PRKAG2: variants seen among roughly 807,000 people sequenced by gnomAD.
The protein encoded by PRKAG2 is 5'-AMP-activated protein kinase subunit gamma-2.
A neutral mutation model predicts 69.6 loss-of-function variants in PRKAG2; 26 were observed. The observed-to-expected ratio is 0.37, with a 90% CI of 0.27 to 0.52. The LOEUF is 0.52. Among genes scored for constraint, PRKAG2 ranks in the 20% least tolerant of loss-of-function variants. The pLI, the probability that PRKAG2 is intolerant of heterozygous loss-of-function variation, is 0.90. For synonymous variants in PRKAG2, 293 were observed against 285.0 expected (o/e 1.03, Z -0.28); for missense variants, 557 against 740.0 (o/e 0.75, Z 2.87).
Position 151,557,028 on chromosome 7 carries a change from C to G in PRKAG2, c.*173G>C. 3 of 1,089,812 alleles carry G rather than the reference C, an allele frequency of 2.8e-6. No individual in the cohort carries two copies. The highest frequency in any genetic ancestry group is 4.0e-6 in the Non-Finnish European group (3 of 746,528). The allele number at this position is 1,089,812 out of a possible 1,614,324, so 67.5% of individuals were successfully genotyped here. A position where few individuals can be genotyped will look rare whatever the true frequency, so the allele number is the denominator to read the frequency against. Reference sequence around the variant, plus strand: ...GTCTTTTAATGCAAGCCTGAATCTTCAAGCACATAAAATCTTTCTTTTTTA... The same window carrying G: ...GTCTTTTAATGCAAGCCTGAATCTTGAAGCACATAAAATCTTTCTTTTTTA... On this transcript the variant is annotated 3_prime_UTR_variant, in exon 16 of 16. Coordinates refer to ENST00000287878, the MANE Select transcript of PRKAG2 (RefSeq NM_016203.4).
chr7:151,723,377 G>A (rs774984087), intron 3 of PRKAG2, among the ~76,000 whole-genome samples: 44 of 152,278 alleles, frequency 2.9e-4, no homozygotes, highest in Middle Eastern at 3.4e-3. Context: ...ACGCATTCGA[G>A]CTAGACTTTT....
intron 6 of PRKAG2, among the ~76,000 whole-genome samples, chr7:151,588,527 T>A (rs1264862716): frequency 1.7e-5 from 2 of 115,848 alleles, no homozygotes; most frequent in African/African-American, 2.9e-5. Context: ...CAAGCCCAGC[T>A]AATTTTCGTA....
chr7:151,760,474 T>C (rs1442274458), intron 3 of PRKAG2, among the ~76,000 whole-genome samples: 1 of 152,152 alleles, frequency 6.6e-6, no homozygotes, highest in South Asian at 2.1e-4. Flanking sequence ...TCTCAGGTGA[T>C]CCGCCCACCT....
rs879002609 is a variant in PRKAG2, at chr7:151,647,856, T to G, written c.685-15718A>C. ...GAGAGCCTGGAGTCAGCGGGGACAT[T>G]GAAGACGTCTTTACAATGAATGTAA... On this transcript the variant is annotated intron_variant, in intron 4 of 15. Coordinates refer to ENST00000287878, the MANE Select transcript of PRKAG2 (RefSeq NM_016203.4). 1.1e-4 allele frequency among the ~76,000 whole-genome samples: 17 copies of G among 152,290 alleles called. No individual in the cohort carries two copies. In the South Asian group the frequency reaches 3.5e-3, roughly 32 times the overall value.
At chr7:151,703,228 C>T (rs1341210648) in intron 3 of PRKAG2, among the ~76,000 whole-genome samples, 4 of 152,214 alleles carry the variant, frequency 2.6e-5, no homozygotes, top group Non-Finnish European at 4.4e-5. Context: ...GCACCTTCTC[C>T]GTCACAGTGA....
At chr7:151,769,734 C>T (rs1010660896) in intron 3 of PRKAG2, among the ~76,000 whole-genome samples, 2 of 152,178 alleles carry the variant, frequency 1.3e-5, no homozygotes, top group Non-Finnish European at 2.9e-5. Context: ...ATGCTGCAGC[C>T]GCATCTGGGG....
intron 5 of PRKAG2, chr7:151,631,852 G>C: frequency 2.0e-6 from 1 of 498,244 alleles, no homozygotes; most frequent in Non-Finnish European, 3.8e-6. Flanking sequence ...CTGGGAGCCT[G>C]GCTCGCGTCC....
chr7:151,770,767 T>C (rs1467575578), intron 3 of PRKAG2, among the ~76,000 whole-genome samples: 2 of 152,188 alleles, frequency 1.3e-5, no homozygotes, highest in African/African-American at 4.8e-5. Context: ...GCCCTGTCTC[T>C]TGGGTTTTAG....
intron 1 of PRKAG2, among the ~76,000 whole-genome samples, chr7:151,827,253 T>C (rs972988042): frequency 6.6e-6 from 1 of 152,252 alleles, no homozygotes; most frequent in Non-Finnish European, 1.5e-5. Flanking sequence ...ATTCATTTAT[T>C]TTTGAGACAG....
intron 3 of PRKAG2, among the ~76,000 whole-genome samples, chr7:151,697,255 C>T (rs1434666522): frequency 6.6e-6 from 1 of 152,096 alleles, no homozygotes; most frequent in Non-Finnish European, 1.5e-5. Context: ...CCAGCTGCAG[C>T]CCACCAGGCC....
At chr7:151,843,856 A>G (rs2079367304) in intron 1 of PRKAG2, among the ~76,000 whole-genome samples, 1 of 152,250 alleles carries the variant, frequency 6.6e-6, no homozygotes, top group African/African-American at 2.4e-5. Context: ...TCTCACATCC[A>G]TGGACATGTC....
intron 15 of PRKAG2, chr7:151,559,308 A>G: frequency 1.0e-6 from 1 of 983,560 alleles, no homozygotes; most frequent in Non-Finnish European, 1.2e-6. Context: ...AGATATTTGG[A>G]TTATTCCCAG....
chr7:151,568,227 G>T (rs1171762956), intron 11 of PRKAG2, among the ~76,000 whole-genome samples: 1 of 152,142 alleles, frequency 6.6e-6, no homozygotes, highest in African/African-American at 2.4e-5. Context: ...GACCAACATG[G>T]TATTCTCTTG....
At chr7:151,573,333 GTTTTTTTTTTTTTTT>G (rs57854174) in intron 8 of PRKAG2, among the ~76,000 whole-genome samples, 2 of 82,836 alleles carry the variant, frequency 2.4e-5, no homozygotes, top group East Asian at 8.8e-4. Flanking sequence ...ATTTTTGTGG[GTTTTTTTTTTTTTTT>G]TTTTTTTTTT....
rs184534237 is a variant in PRKAG2 at position 151,611,697 on chromosome 7, C to T, written c.755-16243G>A. Among the ~76,000 whole-genome samples, 230 of 152,172 alleles carry T rather than the reference C, an allele frequency of 1.5e-3. 1 individual carries two copies. The highest frequency in any genetic ancestry group is 5.3e-3 in the African/African-American group (221 of 41,512). Reference sequence around the variant, plus strand: ...ACAGCTTTCTTAGAAAAGACGTTGGCGCACTTACGTGGGGTGGTCCAGATC... The same window carrying T: ...ACAGCTTTCTTAGAAAAGACGTTGGTGCACTTACGTGGGGTGGTCCAGATC... On this transcript the variant is annotated intron_variant, in intron 5 of 15. Coordinates refer to ENST00000287878, the MANE Select transcript of PRKAG2 (RefSeq NM_016203.4).
chr7:151,612,184 G>A (rs550056612), intron 5 of PRKAG2, among the ~76,000 whole-genome samples: 1 of 152,270 alleles, frequency 6.6e-6, no homozygotes, highest in East Asian at 1.9e-4. Context: ...GGAGAGTTGA[G>A]TAACATGCTC....
At chr7:151,776,832 G>A (rs1308788443) in intron 3 of PRKAG2, among the ~76,000 whole-genome samples, 5 of 152,162 alleles carry the variant, frequency 3.3e-5, no homozygotes, top group African/African-American at 1.2e-4. Context: ...GGGGCACAGG[G>A]GTGTGGAGCT....
intron 3 of PRKAG2, among the ~76,000 whole-genome samples, chr7:151,698,605 C>G (rs1018036531): frequency 3.9e-5 from 6 of 152,158 alleles, no homozygotes; most frequent in East Asian, 1.9e-4. Context: ...CTCAGCTCCC[C>G]CTTTGCCTTC....
Position 151,568,770 on chromosome 7 carries a change from C to T in PRKAG2, c.1179G>A (p.Gly393=). 1 of 1,613,894 alleles carries T rather than the reference C, an allele frequency of 6.2e-7. No homozygotes were observed. The highest frequency in any genetic ancestry group is 1.7e-5 in the Admixed American group (1 of 60,016). The change falls in exon 11 of 16, where the codon GGG becomes GGA. Residue 393 remains glycine, a synonymous_variant. Transcript: ENST00000287878. The stretch of plus-strand genomic sequence containing the variant: ...TGTGGGTAAGTATATAAAGTGCATT[C>T]CCACTGATAGGGTCAATAACGGGCA... ...HRLPVIDPIS[G]NALYILTHKR... is the part of the protein sequence containing the mutation.
Sources: allele counts gnomAD v4.1 joint callset (sites outside exome capture counted in the v4.1 genomes callset), GRCh38; gene constraint gnomAD v4.1.1; transcripts MANE v1.5; gene names NCBI Gene and HGNC (gene_info 2026-07-23, HGNC 2026-07-21).